Variants in PTPRN2 observed in about 807,000 individuals in gnomAD.
PTPRN2 encodes protein tyrosine phosphatase receptor type N2.
PTPRN2 carries 74 observed loss-of-function variants against 118.8 expected under a neutral mutation model. That is an observed-to-expected ratio of 0.62 (90% CI 0.52 to 0.76). The LOEUF (loss-of-function observed/expected upper bound fraction) is 0.76, where lower values mean the gene tolerates loss of function less well. Ranked by LOEUF, PTPRN2 falls within the 30% of genes least tolerant of loss-of-function variation. The pLI, the probability that PTPRN2 is intolerant of heterozygous loss-of-function variation, is 0.00. For missense variants in PTPRN2, 1,481 were observed against 1,394.4 expected (o/e 1.06, Z -0.99); for synonymous variants, 641 against 608.0 (o/e 1.05, Z -0.80).
At chr7:158,151,014 G>A (rs369863194) in intron 6 of PTPRN2, among the ~76,000 whole-genome samples, 21 of 150,918 alleles carry the variant, frequency 1.4e-4, no homozygotes, top group Admixed American at 2.6e-4. Context: ...CCTCCTATGC[G>A]GGAAGCCAGG....
At chr7:158,078,019 T>C (rs922859253) in intron 11 of PTPRN2, among the ~76,000 whole-genome samples, 3 of 152,134 alleles carry the variant, frequency 2.0e-5, no homozygotes, top group Non-Finnish European at 4.4e-5. Flanking sequence ...TACCCTGTGC[T>C]CATACCCAAG....
intron 3 of PTPRN2, among the ~76,000 whole-genome samples, chr7:158,312,561 CACGCAAAACCTCCCT>C (rs1181830901): frequency 3.3e-5 from 5 of 151,832 alleles, no homozygotes; most frequent in Non-Finnish European, 5.9e-5. Flanking sequence ...TAGACACCCA[CACGCAAAACCTCCCT>C]ACTCAAACAC....
chr7:158,303,897 G>C (rs1801080083), intron 3 of PTPRN2, among the ~76,000 whole-genome samples: 1 of 152,244 alleles, frequency 6.6e-6, no homozygotes, highest in Non-Finnish European at 1.5e-5. Context: ...AATGTATTCT[G>C]AGCCACATGT....
At position 158,114,830 on chromosome 7, in the gene PTPRN2, G is replaced by A. The variant is rs139735787; in HGVS notation, c.1557-3915C>T. Among the ~76,000 whole-genome samples, 858 of 152,284 alleles carry A rather than the reference G, an allele frequency of 5.6e-3. 2 individuals carry two copies. Among genetic ancestry groups the A allele is most frequent in the African/African-American group, 0.018 (763 of 41,558 alleles). On this transcript the variant is annotated intron_variant, in intron 9 of 22. Coordinates refer to ENST00000389418, the MANE Select transcript of PTPRN2 (RefSeq NM_002847.5). ...GTTACTAGTCTAAGGCACAGAGCGC[G>A]AGAGGCAGACGCAGGGATGGAAACA...
At chr7:158,383,798 G>T (rs1276853714) in intron 2 of PTPRN2, among the ~76,000 whole-genome samples, 2 of 152,218 alleles carry the variant, frequency 1.3e-5, no homozygotes, top group African/African-American at 2.4e-5. Flanking sequence ...ATGTCTCAGA[G>T]AGGCACACAG....
intron 22 of PTPRN2, among the ~76,000 whole-genome samples, chr7:157,543,338 C>A (rs1245463237): frequency 6.6e-6 from 1 of 152,256 alleles, no homozygotes; most frequent in Non-Finnish European, 1.5e-5. Context: ...ACGGCTTCTT[C>A]CAGTAGAACT....
At position 157,780,362 on chromosome 7, in the gene PTPRN2, T is replaced by G. The variant is rs896682502; in HGVS notation, c.1789-97425A>C. Among the ~76,000 whole-genome samples, 2 of 152,076 alleles carry G rather than the reference T, an allele frequency of 1.3e-5. No individual in the cohort carries two copies. The highest frequency in any genetic ancestry group is 4.8e-5 in the African/African-American group (2 of 41,416). On this transcript the variant is annotated intron_variant, in intron 12 of 22. Coordinates refer to ENST00000389418, the MANE Select transcript of PTPRN2 (RefSeq NM_002847.5). This position sits in a 1 kb window ranked among gnomAD's most constrained non-coding sequence, Gnocchi z 4.5. ...TAGGTGACGTCGAAGCATCCAGCCATATCTGTCAGTTTATATAAGGGGTGG... is the reference window on the plus strand; with the variant it reads ...TAGGTGACGTCGAAGCATCCAGCCAGATCTGTCAGTTTATATAAGGGGTGG...
chr7:157,948,444 G>T (rs1015264707), intron 11 of PTPRN2, among the ~76,000 whole-genome samples: 4 of 151,840 alleles, frequency 2.6e-5, no homozygotes, highest in Non-Finnish European at 5.9e-5. Flanking sequence ...ATAACAAAAA[G>T]AAATGTGCAG....
At chr7:157,567,706 A>G (rs1001752209) in intron 21 of PTPRN2, among the ~76,000 whole-genome samples, 1 of 152,174 alleles carries the variant, frequency 6.6e-6, no homozygotes, top group Non-Finnish European at 1.5e-5. Context: ...GTATGAACAC[A>G]TATACGTGTG....
At chr7:158,457,906 T>C (rs1340080644) in intron 2 of PTPRN2, among the ~76,000 whole-genome samples, 1 of 152,154 alleles carries the variant, frequency 6.6e-6, no homozygotes, top group Non-Finnish European at 1.5e-5. Context: ...ACACCCTGAG[T>C]GTTCTCAGCA....
At chr7:158,071,754 GAGGTGCTCGTGGTGA>G (rs1355666142) in intron 11 of PTPRN2, among the ~76,000 whole-genome samples, 20 of 138,202 alleles carry the variant, frequency 1.4e-4, no homozygotes, top group South Asian at 2.5e-4. Flanking sequence ...GCTCATGGTG[GAGGTGCTCGTGGTGA>G]TGGAGGTGCT....
intron 2 of PTPRN2, among the ~76,000 whole-genome samples, chr7:158,350,978 G>T (rs908102224): frequency 6.6e-6 from 1 of 152,124 alleles, no homozygotes; most frequent in Admixed American, 6.5e-5. Flanking sequence ...GCCCATTCAG[G>T]TGCCAGTTCC....
intron 13 of PTPRN2, among the ~76,000 whole-genome samples, chr7:157,664,771 A>C (rs1424860215): frequency 6.6e-6 from 1 of 152,206 alleles, no homozygotes; most frequent in Non-Finnish European, 1.5e-5. Context: ...TACACCCGCC[A>C]AAAATACAGA....
chr7:158,346,995 G>C (rs532598307), intron 2 of PTPRN2, among the ~76,000 whole-genome samples: 26 of 152,140 alleles, frequency 1.7e-4, no homozygotes, highest in African/African-American at 4.6e-4. Flanking sequence ...ATATATTTTG[G>C]ATATTAAGCC....
rs76625284 is a variant in PTPRN2, at chr7:158,506,374, A to G, written c.113-16589T>C. On this transcript the variant is annotated intron_variant, in intron 1 of 22. Transcript: ENST00000389418. ...GAGGATTGAACCTGAGTTTGAGCCC[A>G]GCTTTGTCCTCCTTCAGTAGAATGA... Among the ~76,000 whole-genome samples, 371 of 152,236 alleles carry G rather than the reference A, an allele frequency of 2.4e-3. 9 individuals carry two copies. The East Asian group carries it at 0.034, about 14-fold the overall frequency.
At position 158,022,645 on chromosome 7, in the gene PTPRN2, A is replaced by G. The variant is rs1806977600; in HGVS notation, c.1723+58653T>C. On this transcript the variant is annotated intron_variant, in intron 11 of 22. Transcript: ENST00000389418. This position sits in a 1 kb window ranked among gnomAD's most constrained non-coding sequence, Gnocchi z 4.6. The stretch of plus-strand genomic sequence containing the variant: ...GGGCACTCTGTCTGGGGCAGCCTGT[A>G]ATGTGTTCATAGCCAAGGCCCAGGC... 6.9e-6 allele frequency among the ~76,000 whole-genome samples: 1 copy of G among 143,906 alleles called. No individual in the cohort carries two copies. The allele number at this position is 143,906 out of a possible 152,430, so 94.4% of individuals were successfully genotyped here.
rs1800343153 is a variant in PTPRN2, at chr7:157,944,432, A to G, written c.1724-45695T>C. ...AATTAATGTGTTAAGTGGCACAAAT[A>G]TGTGTTTATCGAGAGAAACCTAAGT... On this transcript the variant is annotated intron_variant, in intron 11 of 22. Transcript: ENST00000389418. This position sits in a 1 kb window ranked among gnomAD's most constrained non-coding sequence, Gnocchi z 4.3. 6.6e-6 allele frequency among the ~76,000 whole-genome samples: 1 copy of G among 152,202 alleles called. No individual in the cohort carries two copies.
At chr7:158,315,298 G>C (rs74786976) in intron 3 of PTPRN2, among the ~76,000 whole-genome samples, 439 of 3,904 alleles carry the variant, frequency 0.11, 1 homozygote, top group East Asian at 0.13. Flanking sequence ...GGGACCCCCT[G>C]AAGGACAGAG....
chr7:158,580,414 G>A (rs112724302), intron 1 of PTPRN2, among the ~76,000 whole-genome samples: 2,857 of 152,160 alleles, frequency 0.019, 94 homozygotes, highest in African/African-American at 0.064. Context: ...AATTCCTTCC[G>A]CCAAACAAAC....
Sources: gnomAD v4.1 joint callset for allele counts (sites outside exome capture counted in the v4.1 genomes callset) on GRCh38, gnomAD v4.1.1 for gene constraint, Gnocchi (gnomAD v3.1) non-coding constraint, MANE v1.5 for transcripts, NCBI Gene and HGNC (gene_info 2026-07-23, HGNC 2026-07-21) for gene names.